Variants in MOB3B observed in about 807,000 individuals in gnomAD.
MOB3B encodes MOB kinase activator 3B, also known as MOB kinase activator-like 2B.
Under a neutral mutation model 18.7 loss-of-function variants are expected in MOB3B, and 7 were observed. That is an observed-to-expected ratio of 0.37 (90% CI 0.21 to 0.70). The LOEUF is 0.70. Ranked by LOEUF, MOB3B falls within the 30% of genes least tolerant of loss-of-function variation. The probability of loss-of-function intolerance (pLI) is 0.52; values close to 1 mark genes in which losing one functional copy is unlikely to be tolerated. For missense variants in MOB3B, 253 were observed against 281.3 expected (o/e 0.90, Z 0.72); for synonymous variants, 111 against 99.9 (o/e 1.11, Z -0.66).
rs979388143 is a variant in MOB3B at position 27,480,219 on chromosome 9, G to A, written c.-198-24471C>T. Among the ~76,000 whole-genome samples the A allele has an allele frequency of 3.3e-5, 5 of 151,920 alleles. No homozygotes were observed. The East Asian group carries it at 7.7e-4, about 23-fold the overall frequency. On this transcript the variant is annotated intron_variant, in intron 1 of 3. Coordinates refer to ENST00000262244, the MANE Select transcript of MOB3B (RefSeq NM_024761.5). ...CCAGGCTGGAGTGTGGCGCAATCTC[G>A]GCTCACTGCAACTGCAACCTCTGCC...
In MOB3B at chr9:27,336,250, C is replaced by T. The variant is rs73431175; in HGVS notation, c.622-5634G>A. Among the ~76,000 whole-genome samples, 821 of 152,254 alleles carry T rather than the reference C, an allele frequency of 5.4e-3. 7 individuals carry two copies. Among genetic ancestry groups the T allele is most frequent in the African/African-American group, 0.019 (797 of 41,546 alleles). On this transcript the variant is annotated intron_variant, in intron 3 of 3. Transcript: ENST00000262244. Reference sequence around the variant, plus strand: ...CTCAAAAACAAAAACAAGCAAACAACATTCTGCTTTCATTACTCTGCTGGA... The same window carrying T: ...CTCAAAAACAAAAACAAGCAAACAATATTCTGCTTTCATTACTCTGCTGGA...
chr9:27,418,453 C>A (rs1822189985), intron 2 of MOB3B, among the ~76,000 whole-genome samples: 1 of 152,064 alleles, frequency 6.6e-6, no homozygotes, highest in South Asian at 2.1e-4. Context: ...TACTAGCTAA[C>A]CAAATCCAAC....
In MOB3B at chr9:27,348,957, A is replaced by G. The variant is rs560697757; in HGVS notation, c.621+10077T>C. On this transcript the variant is annotated intron_variant, in intron 3 of 3. Coordinates refer to ENST00000262244, the MANE Select transcript of MOB3B (RefSeq NM_024761.5). The stretch of plus-strand genomic sequence containing the variant: ...CTTAAGCTGAGGACATGGAAGCCAA[A>G]GGAGTTGTACATACAATGGCCTGGG... 1.0e-3 allele frequency among the ~76,000 whole-genome samples: 159 copies of G among 152,348 alleles called. 1 individual carries two copies. The highest frequency in any genetic ancestry group is 3.1e-3 in the South Asian group (15 of 4,826).
chr9:27,498,857 T>C (rs1364381439), intron 1 of MOB3B, among the ~76,000 whole-genome samples: 1 of 152,236 alleles, frequency 6.6e-6, no homozygotes, highest in Non-Finnish European at 1.5e-5. Flanking sequence ...TGTATTTTTA[T>C]AGGTTGATAA....
At chr9:27,425,289 C>T (rs1024627281) in intron 2 of MOB3B, among the ~76,000 whole-genome samples, 7 of 151,396 alleles carry the variant, frequency 4.6e-5, no homozygotes, top group Non-Finnish European at 1.0e-4. Context: ...GCAGGAGAAT[C>T]GCTTGAACCC....
Position 27,529,641 on chromosome 9 carries a change from G to A in MOB3B, c.-285C>T, listed in dbSNP as rs528203524. The A allele has an allele frequency of 2.0e-6, 2 of 985,536 alleles. No individual in the cohort carries two copies. Among genetic ancestry groups the A allele is most frequent in the Non-Finnish European group, 1.2e-6 (1 of 830,008 alleles). The allele number at this position is 985,536 out of a possible 1,614,324, so 61.0% of individuals were successfully genotyped here. On this transcript the variant is annotated 5_prime_UTR_variant, in exon 1 of 4. Transcript: ENST00000262244. Reference sequence around the variant, plus strand: ...AGCGCGAAAGAAAATGGTGAGCTCGGGGCAGGTGGGGCGTCGCTTGCCAAT... The same window carrying A: ...AGCGCGAAAGAAAATGGTGAGCTCGAGGCAGGTGGGGCGTCGCTTGCCAAT...
chr9:27,370,157 T>C (rs1821395251), intron 2 of MOB3B, among the ~76,000 whole-genome samples: 1 of 151,980 alleles, frequency 6.6e-6, no homozygotes, highest in Non-Finnish European at 1.5e-5. Context: ...GTGGGGCCTT[T>C]GGGAGGTGAT....
chr9:27,343,225 T>C (rs1820978627), intron 3 of MOB3B, among the ~76,000 whole-genome samples: 1 of 151,654 alleles, frequency 6.6e-6, no homozygotes, highest in Admixed American at 6.6e-5. Flanking sequence ...CAGGGTTAAA[T>C]GGATTAAGGG....
rs71510494 is a variant in MOB3B at position 27,479,927 on chromosome 9, C to T, written c.-198-24179G>A. On this transcript the variant is annotated intron_variant, in intron 1 of 3. Transcript: ENST00000262244. Reference sequence around the variant, plus strand: ...TAAAAATTAGCTGGATGTGGTGGTACGTATCTATAGTCCTAGCTACTTGAG... The same window carrying T: ...TAAAAATTAGCTGGATGTGGTGGTATGTATCTATAGTCCTAGCTACTTGAG... Among the ~76,000 whole-genome samples the T allele has an allele frequency of 1.9e-3, 289 of 152,058 alleles. 1 individual carries two copies. The highest frequency in any genetic ancestry group is 0.013 in the South Asian group (63 of 4,812).
intron 2 of MOB3B, among the ~76,000 whole-genome samples, chr9:27,429,838 G>A (rs1362163550): frequency 2.0e-5 from 3 of 152,166 alleles, no homozygotes; most frequent in Non-Finnish European, 4.4e-5. Context: ...ACTATCACCA[G>A]GTAAAAGCAC....
intron 1 of MOB3B, among the ~76,000 whole-genome samples, chr9:27,515,125 T>C (rs973011881): frequency 6.6e-6 from 1 of 152,330 alleles, no homozygotes; most frequent in East Asian, 1.9e-4. Context: ...CTCTACACTA[T>C]CGACATTGGA....
At chr9:27,341,038 G>A (rs1820933199) in intron 3 of MOB3B, among the ~76,000 whole-genome samples, 1 of 152,214 alleles carries the variant, frequency 6.6e-6, no homozygotes, top group Non-Finnish European at 1.5e-5. Flanking sequence ...GTAGGGTTGT[G>A]CAGTTCCTTA....
intron 1 of MOB3B, chr9:27,525,067 C>T: frequency 1.0e-6 from 1 of 962,712 alleles, no homozygotes; most frequent in South Asian, 1.8e-5. Flanking sequence ...AGCCTGTCCT[C>T]AGTTGGACTG....
At chr9:27,415,510 A>T (rs1293111251) in intron 2 of MOB3B, among the ~76,000 whole-genome samples, 1 of 151,870 alleles carries the variant, frequency 6.6e-6, no homozygotes, top group Non-Finnish European at 1.5e-5. Flanking sequence ...GAGTCTTCCC[A>T]TTCATTATTC....
At chr9:27,419,527 C>T (rs1356038241) in intron 2 of MOB3B, among the ~76,000 whole-genome samples, 1 of 152,134 alleles carries the variant, frequency 6.6e-6, no homozygotes, top group Non-Finnish European at 1.5e-5. Context: ...CGATCTTCAA[C>T]AAAGCAAACA....
intron 2 of MOB3B, among the ~76,000 whole-genome samples, chr9:27,437,472 A>C (rs1278168065): frequency 6.6e-6 from 1 of 152,194 alleles, no homozygotes; most frequent in Non-Finnish European, 1.5e-5. Context: ...GTGCTAATCA[A>C]GGGGCCATAG....
At chr9:27,488,196 G>A (rs1187193680) in intron 1 of MOB3B, among the ~76,000 whole-genome samples, 1 of 152,124 alleles carries the variant, frequency 6.6e-6, no homozygotes, top group Non-Finnish European at 1.5e-5. Flanking sequence ...GGCAGAGGAG[G>A]GACAGCATCA....
At chr9:27,512,084 A>T (rs1820155547) in intron 1 of MOB3B, among the ~76,000 whole-genome samples, 1 of 152,178 alleles carries the variant, frequency 6.6e-6, no homozygotes, top group African/African-American at 2.4e-5. Flanking sequence ...CCTGACAAAG[A>T]TAAATCCTGC....
At chr9:27,435,111 T>C (rs1822479416) in intron 2 of MOB3B, among the ~76,000 whole-genome samples, 2 of 151,520 alleles carry the variant, frequency 1.3e-5, no homozygotes, top group South Asian at 4.2e-4. Context: ...GAGAAAGGGA[T>C]GGTTAAATGA....
Sources: allele counts gnomAD v4.1 joint callset (sites outside exome capture counted in the v4.1 genomes callset), GRCh38; gene constraint gnomAD v4.1.1; transcripts MANE v1.5; gene names NCBI Gene and HGNC (gene_info 2026-07-23, HGNC 2026-07-21).